Variants in ZNF384 observed in about 807,000 individuals in gnomAD.
ZNF384 encodes the protein zinc finger protein 384.
A neutral mutation model predicts 65.0 loss-of-function variants in ZNF384; 20 were observed. The ratio of observed to expected loss-of-function variants is 0.31; its 90% CI spans 0.22 to 0.45. The LOEUF is 0.45. ZNF384 is among the 20% of genes least tolerant of loss of function. ZNF384 has a pLI of 1.00. For missense variants in ZNF384, 549 were observed against 769.4 expected, an observed-to-expected ratio of 0.71 and a Z score of 3.39; for synonymous variants, 310 against 303.9, an observed-to-expected ratio of 1.02 and a Z score of -0.21.
chr12:6,674,410 G>C (rs1952709195), intron 7 of ZNF384, among the ~76,000 whole-genome samples: 1 of 152,248 alleles, frequency 6.6e-6, no homozygotes, highest in African/African-American at 2.4e-5. Context: ...CAATTCACCA[G>C]TGTAAAATGG....
chr12:6,680,013 C>CT (rs1955319290), intron 2 of ZNF384, among the ~76,000 whole-genome samples: 1 of 152,248 alleles, frequency 6.6e-6, no homozygotes, highest in African/African-American at 2.4e-5. Flanking sequence ...GGGTCTTACT[C>CT]TGTCACCCAG....
intron 1 of ZNF384, chr12:6,688,604 G>A (rs1687996351): frequency 6.6e-6 from 1 of 152,392 alleles, no homozygotes; most frequent in Non-Finnish European, 1.5e-5. Flanking sequence ...GAGGGCTGGG[G>A]GATGCACAAG....
At chr12:6,684,691 A>T (rs1957287881) in intron 2 of ZNF384, among the ~76,000 whole-genome samples, 2 of 152,186 alleles carry the variant, frequency 1.3e-5, no homozygotes, top group South Asian at 4.1e-4. Flanking sequence ...ATCCAACTAT[A>T]AGCAACCTTT....
At position 6,673,237 on chromosome 12, in the gene ZNF384, G is replaced by C. The variant is rs758441316; in HGVS notation, c.983C>G (p.Ser328Cys). 1 of 1,614,152 alleles carries C rather than the reference G, an allele frequency of 6.2e-7. No individual in the cohort carries two copies. Among genetic ancestry groups the C allele is most frequent in the East Asian group, 2.2e-5 (1 of 44,886 alleles). The change falls in exon 8 of 12, where the codon TCC (serine) becomes TGC (cysteine). Residue 328 changes from serine to cysteine, a missense_variant. Ser to Cys is a moderately radical substitution (Grantham distance 112). This residue lies in a region of ZNF384 where 39 missense variants were observed against 85.8 expected (regional missense o/e 0.45). Transcript: ENST00000683879. The surrounding 1 kb of genome is among the most constrained non-coding windows in gnomAD (Gnocchi z 4.7). Reference sequence around the variant, plus strand: ...TTACCGGGTGTGCTGCTGAAGGTGGGAGAGCTGGCGGAAGGATTTCTCACA... The same window carrying C: ...TTACCGGGTGTGCTGCTGAAGGTGGCAGAGCTGGCGGAAGGATTTCTCACA... Reference protein sequence around the residue: ...NFCEKSFRQLSHLQQHTRIHS... With the variant: ...NFCEKSFRQLCHLQQHTRIHS...
chr12:6,667,532 T>A lies in ZNF384; in HGVS notation c.*182A>T. 2 of 819,844 alleles carry A rather than the reference T, an allele frequency of 2.4e-6. No homozygotes were observed. The highest frequency in any genetic ancestry group is 4.1e-6 in the Non-Finnish European group (2 of 482,994). The allele number at this position is 819,844 out of a possible 1,614,324, so 50.8% of individuals were successfully genotyped here. A position where few individuals can be genotyped will look rare whatever the true frequency, so the allele number is the denominator to read the frequency against. On this transcript the variant is annotated 3_prime_UTR_variant, in exon 12 of 12. Coordinates refer to ENST00000683879, the MANE Select transcript of ZNF384 (RefSeq NM_001385745.1). ...ATTCCTTTGCAATCAGGAGGGCTGATGTTCCTTTTGAAGAAGAGTTCAGAA... is the reference window on the plus strand; with the variant it reads ...ATTCCTTTGCAATCAGGAGGGCTGAAGTTCCTTTTGAAGAAGAGTTCAGAA...
rs1230374313 is a variant in ZNF384 at position 6,666,799 on chromosome 12, T to C, written c.*915A>G. ...TTACAACAAAGATGGCCGTGATGAG[T>C]GAGTATAATATATTTATATATATAT... On this transcript the variant is annotated 3_prime_UTR_variant, in exon 12 of 12. Coordinates refer to ENST00000683879, the MANE Select transcript of ZNF384 (RefSeq NM_001385745.1). 2 of 171,278 alleles carry C rather than the reference T, an allele frequency of 1.2e-5. No individual in the cohort carries two copies. Among genetic ancestry groups the C allele is most frequent in the Non-Finnish European group, 2.5e-5 (2 of 80,090 alleles). 10.6% of individuals were successfully genotyped at this position (171,278 alleles called of 1,614,324 possible).
Position 6,667,066 on chromosome 12 carries a change from A to T in ZNF384, c.*648T>A. On this transcript the variant is annotated 3_prime_UTR_variant, in exon 12 of 12. Coordinates refer to ENST00000683879, the MANE Select transcript of ZNF384 (RefSeq NM_001385745.1). ...CGTAAAACCATAACACACACTTCTA[A>T]GCCACCTGTGACCAACTTGGGAATT... The T allele has an allele frequency of 4.3e-6, 1 of 232,530 alleles. No homozygotes were observed. 14.4% of individuals were successfully genotyped at this position (232,530 alleles called of 1,614,324 possible).
In ZNF384 at chr12:6,672,734, A is replaced by G. The variant is rs1261928609; in HGVS notation, c.1005-202T>C. On this transcript the variant is annotated intron_variant, in intron 8 of 11. Transcript: ENST00000683879. The surrounding 1 kb of genome is among the most constrained non-coding windows in gnomAD (Gnocchi z 4.4). ...TGCTGATCGTAAGTCGGTGGCTAGA[A>G]TGGCAGTGAGATGATGAAGAGCTGC... Among the ~76,000 whole-genome samples, 2 of 152,162 alleles carry G rather than the reference A, an allele frequency of 1.3e-5. No individual in the cohort carries two copies. Among genetic ancestry groups the G allele is most frequent in the African/African-American group, 4.8e-5 (2 of 41,430 alleles).
intron 2 of ZNF384, among the ~76,000 whole-genome samples, chr12:6,682,162 GA>G (rs919953528): frequency 2.1e-5 from 3 of 145,942 alleles, no homozygotes; most frequent in Admixed American, 6.9e-5. Flanking sequence ...AAAAGAAAAA[GA>G]AAAAAAAAGA....
intron 10 of ZNF384, among the ~76,000 whole-genome samples, chr12:6,670,138 G>C (rs1026656953): frequency 2.0e-5 from 3 of 152,194 alleles, no homozygotes; most frequent in Non-Finnish European, 2.9e-5. Context: ...AGACATTAAA[G>C]ACCCCTGTGC....
chr12:6,680,436 C>T (rs1010917956), intron 2 of ZNF384, among the ~76,000 whole-genome samples: 1 of 151,980 alleles, frequency 6.6e-6, no homozygotes, highest in Non-Finnish European at 1.5e-5. Context: ...ATCATTTGAC[C>T]TCAGAAGTTC....
rs1037065453 is a variant in ZNF384 at position 6,678,014 on chromosome 12, C to G, written c.686+113G>C. On this transcript the variant is annotated intron_variant, in intron 6 of 11. Coordinates refer to ENST00000683879, the MANE Select transcript of ZNF384 (RefSeq NM_001385745.1). This position sits in a 1 kb window ranked among gnomAD's most constrained non-coding sequence, Gnocchi z 4.9. ...CACCTGACATGCAAGTGGCTCAGAG[C>G]TGGGAAGCTGTCAGAGTGTAGCGCC... 3.0e-6 allele frequency: 3 copies of G among 999,246 alleles called. No homozygotes were observed. The highest frequency in any genetic ancestry group is 3.2e-5 in the African/African-American group (2 of 62,076). The allele number at this position is 999,246 out of a possible 1,614,324, so 61.9% of individuals were successfully genotyped here.
intron 3 of ZNF384, 105 bp downstream of exon 3, chr12:6,679,350 A>G: frequency 7.9e-7 from 1 of 1,266,982 alleles, no homozygotes. Flanking sequence ...GATAATTCTC[A>G]GGGGTGGGGG....
At chr12:6,670,427 A>C (rs1380766488) in intron 10 of ZNF384, among the ~76,000 whole-genome samples, 2 of 152,166 alleles carry the variant, frequency 1.3e-5, no homozygotes, top group African/African-American at 4.8e-5. Flanking sequence ...GTCCTGTCCC[A>C]AAAATAAAAA....
chr12:6,674,622 GGAGA>G (rs1157676646), intron 7 of ZNF384, among the ~76,000 whole-genome samples: 7 of 152,322 alleles, frequency 4.6e-5, no homozygotes, highest in Non-Finnish European at 1.0e-4. Flanking sequence ...AATCATTGCA[GGAGA>G]GAGGGGGAGG....
At position 6,673,167 on chromosome 12, in the gene ZNF384, G is replaced by A. The variant is rs747780991; in HGVS notation, c.1004+49C>T. On this transcript the variant is annotated intron_variant, in intron 8 of 11. Transcript: ENST00000683879. This position sits in a 1 kb window ranked among gnomAD's most constrained non-coding sequence, Gnocchi z 4.7. ...GAGAGGAGTAGGTGCAGGCAACATG[G>A]TCTTAGGGTTCACGGCCAGGTGGTG... is the stretch of plus-strand genomic sequence containing the variant. 6.4e-7 allele frequency: 1 copy of A among 1,556,234 alleles called. No individual in the cohort carries two copies. Among genetic ancestry groups the A allele is most frequent in the South Asian group, 1.1e-5 (1 of 87,834 alleles).
intron 2 of ZNF384, among the ~76,000 whole-genome samples, chr12:6,682,319 C>CCAAAACAAAACAAAACAAAACAAAA (rs55997836): frequency 6.4e-5 from 9 of 140,676 alleles, no homozygotes; most frequent in South Asian, 4.9e-4. Flanking sequence ...GACCCCAACT[C>CCAAAACAAAACAAAACAAAACAAAA]CAAAACAAAA....
intron 2 of ZNF384, among the ~76,000 whole-genome samples, chr12:6,683,288 C>T: frequency 7.4e-6 from 1 of 136,020 alleles, no homozygotes; most frequent in South Asian, 2.3e-4. Context: ...AAGACTGTCT[C>T]AAAAAAAAAA....
intron 11 of ZNF384, 150 bp from the exon 12 acceptor site, chr12:6,668,265 C>T: frequency 2.7e-6 from 2 of 738,942 alleles, no homozygotes; most frequent in East Asian, 2.6e-5. Context: ...TCAAGTAGCA[C>T]TTTCAGTGGC....
Sources: allele counts gnomAD v4.1 joint callset (sites outside exome capture counted in the v4.1 genomes callset), GRCh38; gene constraint gnomAD v4.1.1; regional missense constraint gnomAD v4.1.1; non-coding constraint Gnocchi (gnomAD v3.1); transcripts MANE v1.5; gene names NCBI Gene and HGNC (gene_info 2026-07-23, HGNC 2026-07-21).